NCBP1: variants seen among roughly 807,000 people sequenced by gnomAD.
The protein encoded by NCBP1 is nuclear cap-binding protein subunit 1.
A neutral mutation model predicts 111.7 loss-of-function variants in NCBP1; 16 were observed. The observed-to-expected ratio is 0.14, with a 90% confidence interval of 0.10 to 0.22. The LOEUF is 0.22. Among genes scored for constraint, NCBP1 ranks in the 10% least tolerant of loss-of-function variants. The pLI, the probability that NCBP1 is intolerant of heterozygous loss-of-function variation, is 1.00. For missense variants in NCBP1, 607 were observed against 957.5 expected (o/e 0.63, Z 4.83); for synonymous variants, 304 against 314.3 (o/e 0.97, Z 0.35).
chr9:97,643,424 CA>C, intron 4 of NCBP1, 64 bp downstream of exon 4: 1 of 1,406,314 alleles, frequency 7.1e-7, no homozygotes. Context: ...AGGTGAACTA[CA>C]ACCAAATAAT....
chr9:97,650,682 AGT>A, intron 9 of NCBP1, 82 bp downstream of exon 9: 1 of 1,173,570 alleles, frequency 8.5e-7, no homozygotes, highest in East Asian at 2.4e-5. Flanking sequence ...ATATGTTGAG[AGT>A]GTAAGAAAAT....
chr9:97,666,678 A>T, intron 19 of NCBP1, 85 bp from the exon 20 acceptor site: 1 of 850,750 alleles, frequency 1.2e-6, no homozygotes, highest in Non-Finnish European at 1.8e-6. Flanking sequence ...ATCAGCTGTT[A>T]AGAATGAAAT....
At chr9:97,641,888 C>T (rs1827216829) in intron 3 of NCBP1, among the ~76,000 whole-genome samples, 2 of 152,032 alleles carry the variant, frequency 1.3e-5, no homozygotes, top group African/African-American at 4.8e-5. Context: ...ACCTTAGAAT[C>T]ATTTTAGTTG....
chr9:97,635,493 C>T (rs1049685125), intron 1 of NCBP1, among the ~76,000 whole-genome samples: 1 of 150,872 alleles, frequency 6.6e-6, no homozygotes, highest in Non-Finnish European at 1.5e-5. Context: ...TTACTGCAAC[C>T]TCCGCCTCTC....
chr9:97,668,929 A>G lies in NCBP1; in HGVS notation c.2100A>G (p.Glu700=). 1.9e-6 allele frequency: 3 copies of G among 1,613,766 alleles called. No individual in the cohort carries two copies. Among genetic ancestry groups the G allele is most frequent in the Non-Finnish European group, 2.5e-6 (3 of 1,179,756 alleles). The part of the protein sequence containing the change: ...EQIERLQEKV[E]SAQSEQKNLF... ...TAGAACGACTTCAGGAAAAAGTGGA[A>G]TCTGCTCAGAGTGAACAAAAGAATC... Residue 700 remains glutamate (E), a synonymous_variant, in exon 21 of 23, where the codon GAA becomes GAG. Transcript: ENST00000375147.
chr9:97,636,056 GA>G (rs1232144468), intron 1 of NCBP1: 1 of 152,156 alleles, frequency 6.6e-6, no homozygotes, highest in East Asian at 1.9e-4. Context: ...GAGTAAATAA[GA>G]CAAGTAAAAC....
chr9:97,651,371 G>C lies in NCBP1; in HGVS notation c.1057G>C (p.Glu353Gln). Residue 353 changes from glutamate (E) to glutamine (Q), a missense_variant and splice_region_variant, in exon 10 of 23, where the codon GAG becomes CAG. Glu to Gln is a conservative substitution (Grantham distance 29). Coordinates refer to ENST00000375147, the MANE Select transcript of NCBP1 (RefSeq NM_002486.5). Reference protein sequence around the residue: ...NKIPLNYHIVEVIFAELFQLP... With the variant: ...NKIPLNYHIVQVIFAELFQLP... ...GATCCCCTTGAACTACCACATAGTT[G>C]AGGTATGAATTCCATGTGGAGCGTG... 1 of 1,612,586 alleles carries C rather than the reference G, an allele frequency of 6.2e-7. No homozygotes were observed. The highest frequency in any genetic ancestry group is 8.5e-7 in the Non-Finnish European group (1 of 1,179,160).
In NCBP1 at chr9:97,672,139, C is replaced by G. The variant is rs554116079; in HGVS notation, c.*940C>G. The G allele has an allele frequency of 6.6e-6, 1 of 152,236 alleles. No homozygotes were observed. Among genetic ancestry groups the G allele is most frequent in the East Asian group, 1.9e-4 (1 of 5,184 alleles). 9.4% of individuals were successfully genotyped at this position (152,236 alleles called of 1,614,324 possible). A position where few individuals can be genotyped will look rare whatever the true frequency, so the allele number is the denominator to read the frequency against. ...GCTTGTTTCCTGTATAGTACTGATG[C>G]TGAAATAAGATGACAGCAGTTTGTA... is the stretch of plus-strand genomic sequence containing the variant. On this transcript the variant is annotated 3_prime_UTR_variant, in exon 23 of 23. Coordinates refer to ENST00000375147, the MANE Select transcript of NCBP1 (RefSeq NM_002486.5).
At chr9:97,648,880 T>G (rs1278138907) in intron 8 of NCBP1, among the ~76,000 whole-genome samples, 1 of 152,170 alleles carries the variant, frequency 6.6e-6, no homozygotes, top group African/African-American at 2.4e-5. Flanking sequence ...TGGCAAATTT[T>G]TTGTAGAGTT....
At chr9:97,643,153 C>T (rs771923993) in intron 3 of NCBP1, 51 bp from the exon 4 acceptor site, 12 of 1,517,836 alleles carry the variant, frequency 7.9e-6, no homozygotes, top group Non-Finnish European at 1.8e-6. Flanking sequence ...AATTCAGCAA[C>T]TTAACGCCAT....
rs1001954098 is a variant in NCBP1 at position 97,667,466 on chromosome 9, G to C, written c.2016+589G>C. 2.0e-5 allele frequency among the ~76,000 whole-genome samples: 3 copies of C among 152,162 alleles called. No homozygotes were observed. The South Asian group carries it at 6.2e-4, about 32-fold the overall frequency. ...CTATAGGAACCTTTCGCAAGTTTGA[G>C]TACCAGTCTCCATGTAGACATACCT... On this transcript the variant is annotated intron_variant, in intron 20 of 22. Coordinates refer to ENST00000375147, the MANE Select transcript of NCBP1 (RefSeq NM_002486.5).
intron 7 of NCBP1, 52 bp downstream of exon 7, chr9:97,647,613 ATT>A (rs760890361): frequency 7.1e-7 from 1 of 1,413,664 alleles, no homozygotes; most frequent in South Asian, 1.2e-5. Context: ...TCTTGAATAG[ATT>A]CTTATCTCTG....
At chr9:97,671,031 A>G in intron 22 of NCBP1, 55 bp from the exon 23 acceptor site, 1 of 1,190,708 alleles carries the variant, frequency 8.4e-7, no homozygotes, top group Non-Finnish European at 1.2e-6. Flanking sequence ...AATGTTCCAC[A>G]AGATTGCTTA....
chr9:97,655,804 A>G, intron 13 of NCBP1, 40 bp downstream of exon 13: 1 of 1,545,114 alleles, frequency 6.5e-7, no homozygotes, highest in Non-Finnish European at 8.8e-7. Context: ...GTAGTCAAAA[A>G]ACTACTAATG....
At chr9:97,640,695 A>C in intron 1 of NCBP1, 99 bp from the exon 2 acceptor site, 1 of 885,714 alleles carries the variant, frequency 1.1e-6, no homozygotes, top group Non-Finnish European at 1.7e-6. Flanking sequence ...GTAAAAACAT[A>C]GGGCCTGGTA....
At chr9:97,645,816 AAGC>A in intron 6 of NCBP1, 84 bp downstream of exon 6, 2 of 1,501,124 alleles carry the variant, frequency 1.3e-6, no homozygotes, top group South Asian at 2.4e-5. Context: ...TCTCAAAAAT[AAGC>A]TGTAGAGTTC....
rs551743679 is a variant in NCBP1, at chr9:97,666,818, C to G, written c.1957C>G (p.Leu653Val). ...AATTCGTAAGATGAACAAACATGTCCTGAAGATCCAGAAAGAGCTGGAAGA... is the reference window on the plus strand; with the variant it reads ...AATTCGTAAGATGAACAAACATGTCGTGAAGATCCAGAAAGAGCTGGAAGA... The part of the protein sequence containing the change: ...STIRKMNKHV[L>V]KIQKELEEAK... The change falls in exon 20 of 23, where the codon CTG (leucine) becomes GTG (valine). Residue 653 changes from leucine to valine, a missense_variant. Coordinates refer to ENST00000375147, the MANE Select transcript of NCBP1 (RefSeq NM_002486.5). The G allele has an allele frequency of 6.2e-7, 1 of 1,610,010 alleles. No individual in the cohort carries two copies. The highest frequency in any genetic ancestry group is 1.7e-5 in the Admixed American group (1 of 59,260).
chr9:97,644,995 C>A, intron 4 of NCBP1, 122 bp from the exon 5 acceptor site: 1 of 601,786 alleles, frequency 1.7e-6, no homozygotes, highest in Non-Finnish European at 2.9e-6. Flanking sequence ...AGGTAGTAGG[C>A]TAGATTCAGC....
At chr9:97,658,902 C>T (rs1469698004) in intron 15 of NCBP1, among the ~76,000 whole-genome samples, 159 bp downstream of exon 15, 2 of 152,052 alleles carry the variant, frequency 1.3e-5, no homozygotes, top group Non-Finnish European at 2.9e-5. Context: ...TTTTATTTGC[C>T]CTGTCATCAT....
Sources: gnomAD v4.1 joint callset for allele counts (sites outside exome capture counted in the v4.1 genomes callset) on GRCh38, gnomAD v4.1.1 for gene constraint, MANE v1.5 for transcripts, NCBI Gene and HGNC (gene_info 2026-07-23, HGNC 2026-07-21) for gene names.